DNTTIP2: variants seen among roughly 807,000 people sequenced by gnomAD.
DNTTIP2 encodes the protein deoxynucleotidyltransferase terminal interacting protein 2.
DNTTIP2 carries 47 observed loss-of-function variants against 62.4 expected under a neutral mutation model. The ratio of observed to expected loss-of-function variants is 0.75; its 90% CI spans 0.60 to 0.96. The LOEUF (loss-of-function observed/expected upper bound fraction) is 0.96, where lower values mean the gene tolerates loss of function less well. Ranked by LOEUF, DNTTIP2 falls within the 40% of genes least tolerant of loss-of-function variation. The probability of loss-of-function intolerance (pLI) is 0.00; values close to 1 mark genes in which losing one functional copy is unlikely to be tolerated. For missense variants in DNTTIP2, 870 were observed against 849.1 expected (o/e 1.02, Z -0.31); for synonymous variants, 322 against 300.9 (o/e 1.07, Z -0.73).
In DNTTIP2 at chr1:93,877,255, T is replaced by C. The variant is rs376299632; in HGVS notation, c.680A>G (p.Lys227Arg). 7.4e-6 allele frequency: 12 copies of C among 1,613,804 alleles called. No homozygotes were observed. In the African/African-American group the frequency reaches 1.2e-4, roughly 16 times the overall value. The change falls in exon 2 of 7, where the codon AAA becomes AGA. Residue 227 changes from lysine (K) to arginine (R), a missense_variant. Lys to Arg is a conservative substitution (Grantham distance 26, BLOSUM62 2). Transcript: ENST00000436063. The part of the protein sequence containing the change: ...KDSKIVPGNE[K>R]QIVGTPVNSE... ...ATTCACAGGTGTACCCACGATCTGTTTCTCATTTCCTGGTACAATCTTACT... is the reference window on the plus strand; with the variant it reads ...ATTCACAGGTGTACCCACGATCTGTCTCTCATTTCCTGGTACAATCTTACT...
intron 5 of DNTTIP2, 112 bp downstream of exon 5, chr1:93,871,960 A>T: frequency 1.7e-6 from 2 of 1,169,446 alleles, no homozygotes; most frequent in Non-Finnish European, 2.4e-6. Flanking sequence ...TCCATACATT[A>T]GGCATGCACA....
intron 1 of DNTTIP2, 116 bp downstream of exon 1, chr1:93,878,961 A>C (rs1656084632): frequency 7.3e-7 from 1 of 1,360,976 alleles, no homozygotes; most frequent in Non-Finnish European, 9.8e-7. Flanking sequence ...GCGCGCGGCA[A>C]GCTCGGGTCC....
Position 93,869,656 on chromosome 1 carries a change from G to C in DNTTIP2, c.*195C>G. 1 of 506,558 alleles carries C rather than the reference G, an allele frequency of 2.0e-6. No individual in the cohort carries two copies. The highest frequency in any genetic ancestry group is 3.6e-6 in the Non-Finnish European group (1 of 276,794). The allele number at this position is 506,558 out of a possible 1,614,324, so 31.4% of individuals were successfully genotyped here. A position where few individuals can be genotyped will look rare whatever the true frequency, so the allele number is the denominator to read the frequency against. On this transcript the variant is annotated 3_prime_UTR_variant, in exon 7 of 7. Coordinates refer to ENST00000436063, the MANE Select transcript of DNTTIP2 (RefSeq NM_014597.5). ...TTTTCCCATAAAGAGTCTACACCAG[G>C]GTGGGTCTTTTAGACACCCCTATTT...
At position 93,870,077 on chromosome 1, in the gene DNTTIP2, A is replaced by C. The variant is rs1286182998; in HGVS notation, c.2178-133T>G. ...CTCTGACCTCATAGCACTTGCTTGC[A>C]ATCTAGGGAGAAAAAATGGCAACTG... On this transcript the variant is annotated intron_variant, in intron 6 of 6. Coordinates refer to ENST00000436063, the MANE Select transcript of DNTTIP2 (RefSeq NM_014597.5). The C allele has an allele frequency of 8.8e-6, 5 of 571,272 alleles. No individual in the cohort carries two copies. The African/African-American group carries it at 9.9e-5, about 11-fold the overall frequency. 35.4% of individuals were successfully genotyped at this position (571,272 alleles called of 1,614,324 possible). A position where few individuals can be genotyped will look rare whatever the true frequency, so the allele number is the denominator to read the frequency against.
rs1655765266 is a variant in DNTTIP2, at chr1:93,868,053, T to C, written c.*1798A>G. On this transcript the variant is annotated 3_prime_UTR_variant, in exon 7 of 7. Transcript: ENST00000436063. ...TTCTGCACAGCAAAAGAAACTATTA[T>C]CAGAGTGCACAGGCAATCTACAGAA... 1 of 152,184 alleles carries C rather than the reference T, an allele frequency of 6.6e-6. No individual in the cohort carries two copies. Among genetic ancestry groups the C allele is most frequent in the African/African-American group, 2.4e-5 (1 of 41,446 alleles). The allele number at this position is 152,184 out of a possible 1,614,324, so 9.4% of individuals were successfully genotyped here.
At position 93,879,034 on chromosome 1, in the gene DNTTIP2, G is replaced by T. The variant is rs369434547; in HGVS notation, c.72+43C>A. ...GCGCCGCCCCGCCTGCCTGAGCGCG[G>T]CTCTGCGAAGCGGCGAGAAGTAGGG... is the stretch of plus-strand genomic sequence containing the variant. On this transcript the variant is annotated intron_variant, in intron 1 of 6. Coordinates refer to ENST00000436063, the MANE Select transcript of DNTTIP2 (RefSeq NM_014597.5). 5.0e-6 allele frequency: 8 copies of T among 1,608,818 alleles called. No homozygotes were observed. In the African/African-American group the frequency reaches 1.1e-4, roughly 21 times the overall value.
rs529418209 is a variant in DNTTIP2, at chr1:93,873,976, G to A, written c.1807-762C>T. On this transcript the variant is annotated intron_variant, in intron 3 of 6. Transcript: ENST00000436063. ...AATAGTTTACAGGAATATAGTACAA[G>A]CATTAATTTGGGACTGACATTTGAA... 3.3e-5 allele frequency among the ~76,000 whole-genome samples: 5 copies of A among 152,306 alleles called. No individual in the cohort carries two copies. The South Asian group carries it at 6.2e-4, about 19-fold the overall frequency.
intron 1 of DNTTIP2, 87 bp downstream of exon 1, chr1:93,878,990 C>T: frequency 2.0e-6 from 3 of 1,530,538 alleles, no homozygotes; most frequent in Admixed American, 4.0e-5. Flanking sequence ...GGCAGGTCCT[C>T]ACCCTTAACC....
In DNTTIP2 at chr1:93,869,618, AT is replaced by A. The variant is rs959271737; in HGVS notation, c.*232del. On this transcript the variant is annotated 3_prime_UTR_variant, in exon 7 of 7. Transcript: ENST00000436063. ...CATCAGTTATCTTAAAATGGTTGAGATTTTTTTTCCTTTTTTCCCATAAAGA... is the reference window on the plus strand; with the variant it reads ...CATCAGTTATCTTAAAATGGTTGAGATTTTTTTCCTTTTTTCCCATAAAGA... 2.4e-5 allele frequency: 9 copies of A among 379,778 alleles called. No homozygotes were observed. The South Asian group carries it at 4.0e-4, about 17-fold the overall frequency. The allele number at this position is 379,778 out of a possible 1,614,324, so 23.5% of individuals were successfully genotyped here. A position where few individuals can be genotyped will look rare whatever the true frequency, so the allele number is the denominator to read the frequency against.
At chr1:93,875,523 GA>G in intron 3 of DNTTIP2, 121 bp downstream of exon 3, 1 of 950,942 alleles carries the variant, frequency 1.1e-6, no homozygotes, top group East Asian at 2.7e-5. Flanking sequence ...TAGAGAGAAG[GA>G]AAAAACTAAC....
At chr1:93,872,644 C>G (rs1377183745) in intron 4 of DNTTIP2, among the ~76,000 whole-genome samples, 1 of 152,156 alleles carries the variant, frequency 6.6e-6, no homozygotes, top group Non-Finnish European at 1.5e-5. Context: ...CAGAATGCCA[C>G]TCATACAAGG....
At position 93,867,511 on chromosome 1, in the gene DNTTIP2, GAGGCGGAGGTTGC is replaced by G. The variant is rs1302943734; in HGVS notation, c.*2327_*2339del. On this transcript the variant is annotated 3_prime_UTR_variant, in exon 7 of 7. Transcript: ENST00000436063. The stretch of plus-strand genomic sequence containing the variant: ...AGGTATGATAATCGCTTGAACTTGG[GAGGCGGAGGTTGC>G]AGTGAGCTGAGATGGCACCACTGCA... 6.6e-6 allele frequency: 1 copy of G among 151,660 alleles called. No homozygotes were observed. The highest frequency in any genetic ancestry group is 1.5e-5 in the Non-Finnish European group (1 of 68,004). The allele number at this position is 151,660 out of a possible 1,614,324, so 9.4% of individuals were successfully genotyped here.
At chr1:93,873,290 A>G in intron 3 of DNTTIP2, 76 bp from the exon 4 acceptor site, 1 of 1,230,374 alleles carries the variant, frequency 8.1e-7, no homozygotes, top group Non-Finnish European at 1.2e-6. Context: ...AACTTCTGTA[A>G]GTTTTAAAAT....
At position 93,877,649 on chromosome 1, in the gene DNTTIP2, C is replaced by G; in HGVS notation, c.286G>C (p.Val96Leu). Reference protein sequence around the residue: ...ETSEAESNYSVSEHHDTILRV... With the variant: ...ETSEAESNYSLSEHHDTILRV... ...AAAATGGTATCATGGTGCTCAGACA[C>G]AGAATAATTTGACTCTGCCTCAGAG... is the stretch of plus-strand genomic sequence containing the variant. Residue 96 changes from valine to leucine, a missense_variant, in exon 2 of 7, where the codon GTG (valine) becomes CTG (leucine). Transcript: ENST00000436063. 4.3e-6 allele frequency: 7 copies of G among 1,613,986 alleles called. No individual in the cohort carries two copies. The highest frequency in any genetic ancestry group is 5.9e-6 in the Non-Finnish European group (7 of 1,179,896).
Position 93,866,711 on chromosome 1 carries a change from G to A in DNTTIP2, c.*3140C>T, listed in dbSNP as rs1181481793. The A allele has an allele frequency of 6.6e-6, 1 of 152,150 alleles. No individual in the cohort carries two copies. Among genetic ancestry groups the A allele is most frequent in the Non-Finnish European group, 1.5e-5 (1 of 68,040 alleles). 9.4% of individuals were successfully genotyped at this position (152,150 alleles called of 1,614,324 possible). Reference sequence around the variant, plus strand: ...AGACATTTTCCCAGGTTTCAGAAGAGGAATATTGGTGTTTCTCTAGAGCAG... The same window carrying A: ...AGACATTTTCCCAGGTTTCAGAAGAAGAATATTGGTGTTTCTCTAGAGCAG... On this transcript the variant is annotated 3_prime_UTR_variant, in exon 7 of 7. Coordinates refer to ENST00000436063, the MANE Select transcript of DNTTIP2 (RefSeq NM_014597.5).
chr1:93,873,768 C>A lies in DNTTIP2; in HGVS notation c.1807-554G>T, dbSNP rs147929739. Among the ~76,000 whole-genome samples the A allele has an allele frequency of 4.0e-3, 611 of 152,310 alleles. 5 individuals carry two copies. The highest frequency in any genetic ancestry group is 0.014 in the African/African-American group (594 of 41,566). ...GTAACATAAGAAAACGCCATTTCTC[C>A]AAAATAAATAAATAAATTTGTGCAG... is the stretch of plus-strand genomic sequence containing the variant. On this transcript the variant is annotated intron_variant, in intron 3 of 6. Transcript: ENST00000436063.
Position 93,875,761 on chromosome 1 carries a change from T to C in DNTTIP2, c.1690A>G (p.Ile564Val). 1 of 1,610,428 alleles carries C rather than the reference T, an allele frequency of 6.2e-7. No homozygotes were observed. Among genetic ancestry groups the C allele is most frequent in the South Asian group, 1.1e-5 (1 of 89,848 alleles). Residue 564 changes from isoleucine (I) to valine (V), a missense_variant, in exon 3 of 7, where the codon ATA becomes GTA. Ile to Val is a conservative substitution (Grantham distance 29, BLOSUM62 3). Transcript: ENST00000436063. ...AKLLKLTSSS[I>V]DPGLSIKQLG... ...TGCTTGATACTCAGACCAGGGTCTA[T>C]GCTGCTGCTTGTCAACTTCAGACTG...
At position 93,875,751 on chromosome 1, in the gene DNTTIP2, C is replaced by G; in HGVS notation, c.1700G>C (p.Gly567Ala). The change falls in exon 3 of 7, where the codon GGT becomes GCT. Residue 567 changes from glycine to alanine, a missense_variant. Coordinates refer to ENST00000436063, the MANE Select transcript of DNTTIP2 (RefSeq NM_014597.5). ...LKLTSSSIDP[G>A]LSIKQLGGLY... ...ACCACCCAACTGCTTGATACTCAGACCAGGGTCTATGCTGCTGCTTGTCAA... is the reference window on the plus strand; with the variant it reads ...ACCACCCAACTGCTTGATACTCAGAGCAGGGTCTATGCTGCTGCTTGTCAA... The G allele has an allele frequency of 1.2e-6, 2 of 1,612,972 alleles. No individual in the cohort carries two copies. Among genetic ancestry groups the G allele is most frequent in the South Asian group, 2.2e-5 (2 of 90,874 alleles).
intron 1 of DNTTIP2, 118 bp downstream of exon 1, chr1:93,878,959 C>CA (rs1485645589): frequency 3.0e-6 from 4 of 1,355,310 alleles, no homozygotes; most frequent in Non-Finnish European, 3.0e-6. Context: ...AAGCGCGCGG[C>CA]AAGCTCGGGT....
Sources: allele counts gnomAD v4.1 joint callset (sites outside exome capture counted in the v4.1 genomes callset), GRCh38; gene constraint gnomAD v4.1.1; transcripts MANE v1.5; gene names NCBI Gene and HGNC (gene_info 2026-07-23, HGNC 2026-07-21).